The following POLA1 variants were observed in gnomAD, a reference collection of about 807,000 sequenced individuals.
POLA1 encodes DNA polymerase alpha catalytic subunit.
Under a neutral mutation model 124.0 loss-of-function variants are expected in POLA1, and 15 were observed. The ratio of observed to expected loss-of-function variants is 0.12; its 90% CI spans 0.08 to 0.19. POLA1 has a LOEUF of 0.19. Among genes scored for constraint, POLA1 ranks in the 10% least tolerant of loss-of-function variants. The pLI is 1.00. For synonymous variants in POLA1, 408 were observed against 389.4 expected (o/e 1.05, Z -0.56); for missense variants, 886 against 1,103.4 (o/e 0.80, Z 2.79).
At chrX:24,950,001 G>A (rs1047849837) in intron 36 of POLA1, among the ~76,000 whole-genome samples, 6 of 111,399 alleles carry the variant, frequency 5.4e-5, no homozygotes, top group African/African-American at 2.0e-4. Context: ...CAAAGTGCTG[G>A]GATTACAGGT....
At chrX:24,803,198 A>T (rs1458018914) in intron 26 of POLA1, among the ~76,000 whole-genome samples, 4 of 111,008 alleles carry the variant, frequency 3.6e-5, no homozygotes, top group Non-Finnish European at 7.5e-5. Context: ...ATCAGTGTGT[A>T]TCACTGATTC....
At chrX:24,927,311 G>A (rs1601879159) in intron 35 of POLA1, among the ~76,000 whole-genome samples, 1 of 111,685 alleles carries the variant, frequency 9.0e-6, no homozygotes, top group African/African-American at 3.3e-5. Context: ...TGAAGTTTGC[G>A]TTGTTTCTAA....
intron 26 of POLA1, among the ~76,000 whole-genome samples, chrX:24,790,917 A>ATATATATG (rs1343538195): frequency 1.0e-5 from 1 of 99,300 alleles, no homozygotes; most frequent in African/African-American, 3.8e-5. Flanking sequence ...ATATGTATAT[A>ATATATATG]TATATATATA....
At chrX:24,809,818 A>C in intron 26 of POLA1, 80 bp from the exon 27 acceptor site, 1 of 576,156 alleles carries the variant, frequency 1.7e-6, no homozygotes, top group East Asian at 3.6e-5. Context: ...CAAATCATTG[A>C]AAGTTACCTA....
At chrX:24,828,806 GC>G (rs1416204051) in intron 32 of POLA1, among the ~76,000 whole-genome samples, 2 of 111,626 alleles carry the variant, frequency 1.8e-5, no homozygotes, top group Non-Finnish European at 3.8e-5. Context: ...GGGTGATGGA[GC>G]CTGCTTGGGT....
intron 17 of POLA1, chrX:24,734,392 GTTGTTTCTT>G (rs1931134543): frequency 8.9e-6 from 1 of 111,970 alleles, no homozygotes; most frequent in Non-Finnish European, 1.9e-5. Context: ...TGGATTGTAT[GTTGTTTCTT>G]TTACGAAGTG....
intron 35 of POLA1, among the ~76,000 whole-genome samples, chrX:24,916,340 G>A (rs1312900066): frequency 9.7e-6 from 1 of 103,422 alleles, no homozygotes; most frequent in African/African-American, 3.7e-5. Context: ...AGAGTGCAGT[G>A]GCACGATCTT....
intron 34 of POLA1, among the ~76,000 whole-genome samples, chrX:24,865,474 C>G (rs1048821540): frequency 8.0e-5 from 9 of 111,869 alleles, no homozygotes; most frequent in Non-Finnish European, 1.5e-4. Flanking sequence ...ACTGATATTG[C>G]TAAATGTCTC....
chrX:24,781,225 G>C (rs1185998228), intron 26 of POLA1, among the ~76,000 whole-genome samples: 1 of 111,694 alleles, frequency 9.0e-6, no homozygotes, highest in African/African-American at 3.3e-5. Context: ...CTTCAAGCCA[G>C]AAGAAATGGG....
intron 34 of POLA1, among the ~76,000 whole-genome samples, chrX:24,857,505 T>C (rs2046661863): frequency 8.9e-6 from 1 of 111,864 alleles, no homozygotes; most frequent in Non-Finnish European, 1.9e-5. Flanking sequence ...ATCTTTATTA[T>C]GTCAAGTCTT....
chrX:24,848,246 T>C (rs1038564853), intron 34 of POLA1, among the ~76,000 whole-genome samples: 1 of 112,470 alleles, frequency 8.9e-6, no homozygotes, highest in Non-Finnish European at 1.9e-5. Flanking sequence ...TAAGCCACAT[T>C]TTAAAATCTC....
chrX:24,886,910 C>T (rs749040520), intron 34 of POLA1, among the ~76,000 whole-genome samples: 3 of 111,666 alleles, frequency 2.7e-5, no homozygotes, highest in Non-Finnish European at 3.8e-5. Flanking sequence ...TTTTCAAGAC[C>T]GGTTCAGAAG....
intron 36 of POLA1, among the ~76,000 whole-genome samples, chrX:24,938,346 G>A (rs1213659129): frequency 1.8e-5 from 2 of 111,573 alleles, no homozygotes; most frequent in African/African-American, 6.5e-5. Context: ...AACCCTGGAG[G>A]TGGAGGTTGC....
chrX:24,902,949 C>T (rs777704311), intron 35 of POLA1, among the ~76,000 whole-genome samples: 27 of 112,237 alleles, frequency 2.4e-4, no homozygotes, highest in Admixed American at 2.0e-3. Flanking sequence ...TGGAAGTGGA[C>T]TCAGAAGGAT....
chrX:24,950,824 A>G (rs2048028262), intron 36 of POLA1, among the ~76,000 whole-genome samples: 1 of 112,052 alleles, frequency 8.9e-6, no homozygotes, highest in African/African-American at 3.2e-5. Context: ...ATTTTCTAAG[A>G]TACTAGCAGC....
At chrX:24,739,711 A>G (rs1190660574) in intron 20 of POLA1, among the ~76,000 whole-genome samples, 161 bp downstream of exon 20, 2 of 111,927 alleles carry the variant, frequency 1.8e-5, no homozygotes, top group Non-Finnish European at 3.8e-5. Context: ...CTCTTGAATT[A>G]TTGTAATTGA....
chrX:24,751,732 AAGT>A (rs1932331643), intron 26 of POLA1, among the ~76,000 whole-genome samples: 2 of 112,262 alleles, frequency 1.8e-5, no homozygotes, highest in Non-Finnish European at 3.8e-5. Context: ...TGGTGGATGG[AAGT>A]AGTCTATGTG....
At chrX:24,900,092 T>C (rs1400553367) in intron 35 of POLA1, among the ~76,000 whole-genome samples, 3 of 111,520 alleles carry the variant, frequency 2.7e-5, no homozygotes, top group African/African-American at 6.5e-5. Flanking sequence ...AGATGGACAT[T>C]TGTCTTTGGG....
intron 34 of POLA1, among the ~76,000 whole-genome samples, chrX:24,847,362 A>G (rs907077272): frequency 4.5e-5 from 5 of 112,283 alleles, no homozygotes; most frequent in African/African-American, 6.5e-5. Flanking sequence ...GTAATAGTCA[A>G]CTCAAATACG....
Sources: allele counts gnomAD v4.1 joint callset (sites outside exome capture counted in the v4.1 genomes callset), GRCh38; gene constraint gnomAD v4.1.1; transcripts MANE v1.5; gene names NCBI Gene and HGNC (gene_info 2026-07-23, HGNC 2026-07-21).